NPAS3: variants seen among roughly 807,000 people sequenced by gnomAD.
The protein encoded by NPAS3 is neuronal PAS domain-containing protein 3.
NPAS3 carries 14 observed loss-of-function variants against 73.1 expected under a neutral mutation model. That is an observed-to-expected ratio of 0.19 (90% CI 0.13 to 0.30). The LOEUF (loss-of-function observed/expected upper bound fraction) is 0.30. Ranked by LOEUF, NPAS3 falls within the 10% of genes least tolerant of loss-of-function variation. NPAS3 has a pLI of 1.00. For missense variants in NPAS3, 1,096 were observed against 1,250.0 expected (o/e 0.88, Z 1.86); for synonymous variants, 620 against 541.5 (o/e 1.14, Z -2.01).
chr14:33,440,032 C>T lies in NPAS3; in HGVS notation c.468+72764C>T, dbSNP rs144824921. ...TCGGGAGGCTGAGGCAGGAGAATGG[C>T]GTGAACCCAGGAGGCAGAGCTTGCA... On this transcript the variant is annotated intron_variant, in intron 4 of 11. Coordinates refer to ENST00000356141, the Ensembl canonical transcript of NPAS3. 5.5e-3 allele frequency among the ~76,000 whole-genome samples: 828 copies of T among 151,050 alleles called. 6 individuals carry two copies. Among genetic ancestry groups the T allele is most frequent in the African/African-American group, 0.019 (786 of 41,080 alleles).
chr14:33,497,215 A>G (rs963396710), intron 4 of NPAS3, among the ~76,000 whole-genome samples: 1 of 152,222 alleles, frequency 6.6e-6, no homozygotes, highest in Non-Finnish European at 1.5e-5. Flanking sequence ...AAACAAATGG[A>G]AAAACATTCC....
intron 4 of NPAS3, among the ~76,000 whole-genome samples, chr14:33,407,924 C>T (rs1344710365): frequency 3.3e-5 from 5 of 151,952 alleles, no homozygotes; most frequent in South Asian, 4.1e-4. Flanking sequence ...AATTCTCTCA[C>T]GTAGGTGGCT....
intron 3 of NPAS3, among the ~76,000 whole-genome samples, chr14:33,232,422 C>T (rs564358780): frequency 6.6e-6 from 1 of 152,274 alleles, no homozygotes; most frequent in South Asian, 2.1e-4. Flanking sequence ...TGAATACACT[C>T]AATCTGTTTT....
intron 6 of NPAS3, among the ~76,000 whole-genome samples, chr14:33,720,431 C>T (rs2061075161): frequency 1.3e-5 from 2 of 152,182 alleles, no homozygotes; most frequent in African/African-American, 4.8e-5. Flanking sequence ...TGACAGCCAA[C>T]ACTTGGGTAG....
At chr14:33,737,265 T>C (rs902909586) in intron 7 of NPAS3, among the ~76,000 whole-genome samples, 5 of 152,080 alleles carry the variant, frequency 3.3e-5, no homozygotes, top group African/African-American at 1.2e-4. Context: ...ATGTCACCTA[T>C]GAGTGGTAAA....
chr14:33,624,210 T>C (rs2058160341), intron 5 of NPAS3, among the ~76,000 whole-genome samples: 1 of 152,310 alleles, frequency 6.6e-6, no homozygotes, highest in African/African-American at 2.4e-5. Context: ...GAAACTTTGT[T>C]TTGTTCCCCG....
intron 2 of NPAS3, among the ~76,000 whole-genome samples, chr14:33,115,896 A>G (rs2043048244): frequency 6.6e-6 from 1 of 152,096 alleles, no homozygotes; most frequent in Non-Finnish European, 1.5e-5. Flanking sequence ...TTTGTAAATT[A>G]AAGTCTATTT....
At chr14:33,215,608 T>C in intron 3 of NPAS3, 182 bp downstream of exon 3, 1 of 754,836 alleles carries the variant, frequency 1.3e-6, no homozygotes, top group East Asian at 2.6e-5. Context: ...CCTCTTATTT[T>C]TCTATTTTAT....
chr14:33,204,265 A>G lies in NPAS3; in HGVS notation c.141-10917A>G, dbSNP rs1367762062. Among the ~76,000 whole-genome samples the G allele has an allele frequency of 2.6e-5, 4 of 152,144 alleles. No individual in the cohort carries two copies. In the East Asian group the frequency reaches 7.7e-4, roughly 29 times the overall value. On this transcript the variant is annotated intron_variant, in intron 2 of 11. Coordinates refer to ENST00000356141, the Ensembl canonical transcript of NPAS3. ...CCTTCAAATTAAATCTTACATGGTAATCCGTGCCACATAAAAACATTTAGG... is the reference window on the plus strand; with the variant it reads ...CCTTCAAATTAAATCTTACATGGTAGTCCGTGCCACATAAAAACATTTAGG...
chr14:33,179,079 T>C (rs1260468560), intron 2 of NPAS3, among the ~76,000 whole-genome samples: 1 of 152,204 alleles, frequency 6.6e-6, no homozygotes, highest in Non-Finnish European at 1.5e-5. Context: ...TGATCACGTG[T>C]GTTTTTTTTC....
intron 3 of NPAS3, among the ~76,000 whole-genome samples, chr14:33,362,053 G>A (rs903782033): frequency 9.2e-5 from 14 of 151,994 alleles, no homozygotes; most frequent in African/African-American, 3.4e-4. Flanking sequence ...CAATAACAGT[G>A]CGTCATGTAT....
intron 5 of NPAS3, among the ~76,000 whole-genome samples, chr14:33,674,963 C>A (rs1359114910): frequency 6.6e-6 from 1 of 152,080 alleles, no homozygotes; most frequent in Non-Finnish European, 1.5e-5. Flanking sequence ...CGCCAGTCTT[C>A]CCTCTTGACA....
At chr14:33,692,313 C>T (rs527495832) in intron 6 of NPAS3, among the ~76,000 whole-genome samples, 8 of 152,076 alleles carry the variant, frequency 5.3e-5, no homozygotes, top group Admixed American at 2.6e-4. Flanking sequence ...TCTTGATGTG[C>T]CAGGTGATAA....
intron 3 of NPAS3, among the ~76,000 whole-genome samples, chr14:33,256,561 C>A (rs1462188478): frequency 1.3e-5 from 2 of 152,020 alleles, no homozygotes; most frequent in Non-Finnish European, 2.9e-5. Context: ...CCAGGGAGAC[C>A]CTTTCAAAAC....
intron 4 of NPAS3, among the ~76,000 whole-genome samples, chr14:33,557,067 C>A (rs2055387677): frequency 6.6e-6 from 1 of 152,120 alleles, no homozygotes; most frequent in Admixed American, 6.5e-5. Flanking sequence ...CATGAGTCAT[C>A]CTCAGGAGAC....
chr14:33,548,484 C>A (rs112642247), intron 4 of NPAS3, among the ~76,000 whole-genome samples: 1 of 152,172 alleles, frequency 6.6e-6, no homozygotes, highest in African/African-American at 2.4e-5. Context: ...GAATTACTTT[C>A]GATGAGCACA....
At chr14:32,979,774 G>A (rs1426592398) in intron 1 of NPAS3, among the ~76,000 whole-genome samples, 2 of 152,136 alleles carry the variant, frequency 1.3e-5, no homozygotes, top group African/African-American at 4.8e-5. Context: ...GTAATGATCA[G>A]TCTAAAAATA....
intron 11 of NPAS3, 107 bp from the exon 12 acceptor site, chr14:33,799,627 C>G: frequency 8.6e-7 from 1 of 1,163,480 alleles, no homozygotes; most frequent in Non-Finnish European, 1.2e-6. Flanking sequence ...TTGCCCTGCT[C>G]CCCGCCCCAG....
At chr14:33,529,460 T>C (rs1459913061) in intron 4 of NPAS3, among the ~76,000 whole-genome samples, 1 of 152,076 alleles carries the variant, frequency 6.6e-6, no homozygotes. Flanking sequence ...TATTAACTTT[T>C]CCATTAAGTA....
Sources: gnomAD v4.1 joint callset for allele counts (sites outside exome capture counted in the v4.1 genomes callset) on GRCh38, gnomAD v4.1.1 for gene constraint, MANE v1.5 for transcripts, NCBI Gene and HGNC (gene_info 2026-07-23, HGNC 2026-07-21) for gene names.